The following CSMD2 variants were observed in gnomAD, a reference collection of about 807,000 sequenced individuals.
CSMD2 encodes the protein CUB and Sushi multiple domains 2, also known as CUB and sushi domain-containing protein 2.
CSMD2 carries 130 observed loss-of-function variants against 398.5 expected under a neutral mutation model. The observed-to-expected ratio is 0.33, with a 90% CI of 0.28 to 0.38. CSMD2 has a LOEUF of 0.38. CSMD2 is among the 10% of genes least tolerant of loss of function. The pLI, the probability that CSMD2 is intolerant of heterozygous loss-of-function variation, is 1.00. For synonymous variants in CSMD2, 1,828 were observed against 1,908.5 expected, an observed-to-expected ratio of 0.96 and a Z score of 1.10; for missense variants, 3,829 against 4,764.9, an observed-to-expected ratio of 0.80 and a Z score of 5.78.
At chr1:34,056,131 C>T (rs953687796) in intron 2 of CSMD2, among the ~76,000 whole-genome samples, 1 of 152,186 alleles carries the variant, frequency 6.6e-6, no homozygotes, top group African/African-American at 2.4e-5. Flanking sequence ...CACCACTGTT[C>T]CCCTGCCTGG....
chr1:33,574,754 A>C lies in CSMD2; in HGVS notation c.7577-2063T>G, dbSNP rs1218458508. 2.6e-5 allele frequency among the ~76,000 whole-genome samples: 4 copies of C among 152,248 alleles called. No homozygotes were observed. The East Asian group carries it at 7.7e-4, about 29-fold the overall frequency. ...AGAAGAGGAGGATCAGGAACACAGA[A>C]GGAATGAGAAATAAGAGAGTGTTTA... is the stretch of plus-strand genomic sequence containing the variant. On this transcript the variant is annotated intron_variant, in intron 49 of 70. Coordinates refer to ENST00000373381, the MANE Select transcript of CSMD2 (RefSeq NM_001281956.2).
At chr1:33,792,764 A>G (rs1654477723) in intron 10 of CSMD2, among the ~76,000 whole-genome samples, 1 of 152,328 alleles carries the variant, frequency 6.6e-6, no homozygotes, top group African/African-American at 2.4e-5. Context: ...CATCTGGCCA[A>G]TTCTGGTGGC....
At chr1:33,696,815 T>C (rs913340173) in intron 24 of CSMD2, among the ~76,000 whole-genome samples, 1 of 152,202 alleles carries the variant, frequency 6.6e-6, no homozygotes, top group Admixed American at 6.5e-5. Context: ...CTACTCTTTC[T>C]GGTCTTCTCC....
intron 15 of CSMD2, among the ~76,000 whole-genome samples, chr1:33,735,501 G>A (rs1207568625): frequency 6.6e-6 from 1 of 152,182 alleles, no homozygotes; most frequent in African/African-American, 2.4e-5. Flanking sequence ...CCTGTGTCCT[G>A]TGAACTCAAG....
At chr1:33,615,523 T>C (rs1002717969) in intron 39 of CSMD2, among the ~76,000 whole-genome samples, 5 of 152,156 alleles carry the variant, frequency 3.3e-5, no homozygotes, top group Admixed American at 1.3e-4. Context: ...TCACTTCCGA[T>C]GGGACCGTGG....
chr1:34,161,953 A>G (rs576422871), intron 1 of CSMD2, among the ~76,000 whole-genome samples: 1 of 152,098 alleles, frequency 6.6e-6, no homozygotes, highest in Non-Finnish European at 1.5e-5. Flanking sequence ...TGGGCAGATC[A>G]TGAGGTCAGG....
intron 10 of CSMD2, 41 bp from the exon 11 acceptor site, chr1:33,792,567 G>A: frequency 7.1e-7 from 1 of 1,402,980 alleles, no homozygotes; most frequent in South Asian, 1.2e-5. Flanking sequence ...CAGGGGCTGT[G>A]AGGAAGCCTT....
chr1:33,789,544 C>T (rs1653975212), intron 11 of CSMD2, among the ~76,000 whole-genome samples: 1 of 152,202 alleles, frequency 6.6e-6, no homozygotes, highest in Non-Finnish European at 1.5e-5. Context: ...AGAAATCCAA[C>T]CTCATTCTTT....
chr1:33,926,145 G>C (rs1644120479), intron 4 of CSMD2, among the ~76,000 whole-genome samples: 1 of 152,210 alleles, frequency 6.6e-6, no homozygotes, highest in Non-Finnish European at 1.5e-5. Flanking sequence ...GGCCATGTCT[G>C]TTCTGTCCCT....
At chr1:33,809,710 G>T (rs1054855753) in intron 10 of CSMD2, among the ~76,000 whole-genome samples, 2 of 149,098 alleles carry the variant, frequency 1.3e-5, no homozygotes, top group Admixed American at 6.7e-5. Flanking sequence ...AAAAGAAAAG[G>T]TATAAGAAAT....
chr1:33,764,950 T>C (rs1207459120), intron 13 of CSMD2, among the ~76,000 whole-genome samples: 1 of 152,036 alleles, frequency 6.6e-6, no homozygotes, highest in Non-Finnish European at 1.5e-5. Flanking sequence ...GAGGTCAGGG[T>C]GGGAGGAGAA....
intron 2 of CSMD2, among the ~76,000 whole-genome samples, chr1:34,060,907 T>C (rs1654416604): frequency 6.6e-6 from 1 of 151,990 alleles, no homozygotes; most frequent in Admixed American, 6.6e-5. Flanking sequence ...TGCCTGGTGG[T>C]TGAGATGCAC....
At chr1:33,818,947 TG>T (rs1326888497) in intron 9 of CSMD2, among the ~76,000 whole-genome samples, 3 of 152,238 alleles carry the variant, frequency 2.0e-5, no homozygotes, top group African/African-American at 7.2e-5. Flanking sequence ...AACTTTGCAG[TG>T]GGCAACATAT....
chr1:33,924,777 C>T (rs949073525), intron 4 of CSMD2, among the ~76,000 whole-genome samples: 1 of 152,106 alleles, frequency 6.6e-6, no homozygotes, highest in Non-Finnish European at 1.5e-5. Flanking sequence ...TGACTTGCAC[C>T]TCCCTGATGA....
intron 66 of CSMD2, among the ~76,000 whole-genome samples, chr1:33,524,136 T>C (rs1654560241): frequency 6.6e-6 from 1 of 152,226 alleles, no homozygotes. Flanking sequence ...ACTGGAGTCA[T>C]ATTTTAAATA....
intron 25 of CSMD2, among the ~76,000 whole-genome samples, chr1:33,668,270 G>A (rs1324361405): frequency 6.6e-6 from 1 of 152,190 alleles, no homozygotes; most frequent in Non-Finnish European, 1.5e-5. Flanking sequence ...TAGGAGCTGA[G>A]GGAAGTCATT....
intron 1 of CSMD2, among the ~76,000 whole-genome samples, chr1:34,150,010 C>T (rs1020686798): frequency 6.6e-6 from 1 of 152,050 alleles, no homozygotes; most frequent in African/African-American, 2.4e-5. Context: ...CAGATCCCTG[C>T]ACCCTGCTCT....
chr1:34,137,822 T>A (rs1638906450), intron 1 of CSMD2, among the ~76,000 whole-genome samples: 1 of 152,226 alleles, frequency 6.6e-6, no homozygotes, highest in Admixed American at 6.5e-5. Flanking sequence ...TGCAATTCTC[T>A]GAGTTAGGTA....
At chr1:33,590,981 CTTTTTTTTTT>C (rs11374822) in intron 44 of CSMD2, among the ~76,000 whole-genome samples, 2 of 67,170 alleles carry the variant, frequency 3.0e-5, no homozygotes, top group Non-Finnish European at 5.2e-5. Flanking sequence ...TTTTATTTAT[CTTTTTTTTTT>C]TTTTTTTTTT....
Sources: allele counts gnomAD v4.1 joint callset (sites outside exome capture counted in the v4.1 genomes callset), GRCh38; gene constraint gnomAD v4.1.1; transcripts MANE v1.5; gene names NCBI Gene and HGNC (gene_info 2026-07-23, HGNC 2026-07-21).